ENOX1: variants seen among roughly 807,000 people sequenced by gnomAD.
ENOX1 encodes candidate growth-related and time keeping constitutive hydroquinone (NADH) oxidase.
A neutral mutation model predicts 82.5 loss-of-function variants in ENOX1; 42 were observed. That is an observed-to-expected ratio of 0.51 (90% CI 0.40 to 0.66). ENOX1 has a LOEUF of 0.66. Among genes scored for constraint, ENOX1 ranks in the 30% least tolerant of loss-of-function variants. The pLI is 0.00. For synonymous variants in ENOX1, 271 were observed against 282.2 expected, an observed-to-expected ratio of 0.96 and a Z score of 0.40; for missense variants, 608 against 811.6, an observed-to-expected ratio of 0.75 and a Z score of 3.05.
At chr13:43,411,525 T>C (rs192221175) in intron 5 of ENOX1, among the ~76,000 whole-genome samples, 66 of 152,260 alleles carry the variant, frequency 4.3e-4, no homozygotes, top group African/African-American at 1.5e-3. Context: ...ATTTGTAAAA[T>C]GGAAACATTA....
intron 2 of ENOX1, among the ~76,000 whole-genome samples, chr13:43,561,276 C>A (rs1168881223): frequency 1.3e-5 from 2 of 152,084 alleles, no homozygotes; most frequent in Non-Finnish European, 2.9e-5. Flanking sequence ...AATGCCAAGG[C>A]AAAAGCACAG....
At chr13:43,535,527 C>T (rs1479967062) in intron 2 of ENOX1, among the ~76,000 whole-genome samples, 1 of 152,158 alleles carries the variant, frequency 6.6e-6, no homozygotes, top group Non-Finnish European at 1.5e-5. Flanking sequence ...CAAAGAGTTA[C>T]TCTCACAAAA....
At chr13:43,661,642 T>C (rs2084735355) in intron 2 of ENOX1, among the ~76,000 whole-genome samples, 1 of 152,208 alleles carries the variant, frequency 6.6e-6, no homozygotes, top group African/African-American at 2.4e-5. Flanking sequence ...CAAAGTCATG[T>C]GAAGCTGGCC....
At chr13:43,541,200 C>CTTTTTTTTTT (rs1555317963) in intron 2 of ENOX1, among the ~76,000 whole-genome samples, 1 of 14,434 alleles carries the variant, frequency 6.9e-5, no homozygotes, top group African/African-American at 1.9e-4. Flanking sequence ...TTTTTTTTTG[C>CTTTTTTTTTT]TAAAAATGAT....
At chr13:43,673,899 C>T (rs895841367) in intron 1 of ENOX1, among the ~76,000 whole-genome samples, 1 of 152,170 alleles carries the variant, frequency 6.6e-6, no homozygotes, top group Non-Finnish European at 1.5e-5. Context: ...TAATCATTTT[C>T]TACTGCCTCT....
chr13:43,237,587 T>C (rs1426933790), intron 14 of ENOX1, among the ~76,000 whole-genome samples: 1 of 152,164 alleles, frequency 6.6e-6, no homozygotes, highest in Non-Finnish European at 1.5e-5. Context: ...GTGGGGAACC[T>C]GCAGGGATGA....
intron 11 of ENOX1, among the ~76,000 whole-genome samples, chr13:43,299,335 T>C (rs558530473): frequency 6.6e-6 from 1 of 151,528 alleles, no homozygotes; most frequent in Admixed American, 6.6e-5. Context: ...GGTAGGGAAA[T>C]CCCTTTCCCT....
In ENOX1 at chr13:43,260,936, C is replaced by A. The variant is rs188012274; in HGVS notation, c.1611+4462G>T. Reference sequence around the variant, plus strand: ...CTGTCGTTAATATATCCAGTTCCAACTACAAAGAGAAAACAACCAGCAGGC... The same window carrying A: ...CTGTCGTTAATATATCCAGTTCCAAATACAAAGAGAAAACAACCAGCAGGC... On this transcript the variant is annotated intron_variant, in intron 14 of 16. Coordinates refer to ENST00000690772, the MANE Select transcript of ENOX1 (RefSeq NM_001347969.2). 1.7e-3 allele frequency among the ~76,000 whole-genome samples: 266 copies of A among 152,334 alleles called. 1 individual carries two copies. The highest frequency in any genetic ancestry group is 6.2e-3 in the African/African-American group (258 of 41,578).
chr13:43,560,784 G>A (rs914366926), intron 2 of ENOX1, among the ~76,000 whole-genome samples: 1 of 152,156 alleles, frequency 6.6e-6, no homozygotes, highest in African/African-American at 2.4e-5. Context: ...CAGCCATCAT[G>A]TGCTTTGTTC....
intron 2 of ENOX1, among the ~76,000 whole-genome samples, chr13:43,664,438 T>C (rs1156374029): frequency 6.6e-6 from 1 of 152,224 alleles, no homozygotes; most frequent in Admixed American, 6.5e-5. Flanking sequence ...ATAAGACTTA[T>C]TGGGATGTTA....
At chr13:43,397,998 G>A (rs2053256767) in intron 5 of ENOX1, among the ~76,000 whole-genome samples, 1 of 152,172 alleles carries the variant, frequency 6.6e-6, no homozygotes, top group Admixed American at 6.5e-5. Flanking sequence ...TTTACATGGT[G>A]GAAGCAGTGA....
At chr13:43,352,253 T>C (rs1157968211) in intron 8 of ENOX1, among the ~76,000 whole-genome samples, 1 of 152,240 alleles carries the variant, frequency 6.6e-6, no homozygotes, top group East Asian at 1.9e-4. Flanking sequence ...CTGCAAGGCT[T>C]TGTCAGGACG....
chr13:43,216,213 C>T (rs1224853354), intron 16 of ENOX1, among the ~76,000 whole-genome samples: 1 of 152,084 alleles, frequency 6.6e-6, no homozygotes, highest in Non-Finnish European at 1.5e-5. Context: ...AAAATGGGGA[C>T]TTAAGCCAGA....
rs1188019029 is a variant in ENOX1 at position 43,562,613 on chromosome 13, C to CA, written c.-218-78462dup. On this transcript the variant is annotated intron_variant, in intron 2 of 16. Coordinates refer to ENST00000690772, the MANE Select transcript of ENOX1 (RefSeq NM_001347969.2). ...ACAGATAAAACAAAACTAAACTAAA[C>CA]AAAAAACAAGCCCCAATGATCCACT... 7.2e-5 allele frequency among the ~76,000 whole-genome samples: 11 copies of CA among 152,032 alleles called. No individual in the cohort carries two copies. In the East Asian group the frequency reaches 1.9e-3, roughly 27 times the overall value.
At chr13:43,677,226 G>A (rs532109693) in intron 1 of ENOX1, among the ~76,000 whole-genome samples, 1 of 152,252 alleles carries the variant, frequency 6.6e-6, no homozygotes, top group Admixed American at 6.5e-5. Context: ...TAATTTGGAG[G>A]GGCCTGGGTT....
At chr13:43,545,543 T>C (rs1182491261) in intron 2 of ENOX1, 2 of 152,222 alleles carry the variant, frequency 1.3e-5, no homozygotes, top group Non-Finnish European at 2.9e-5. Context: ...TGGGCCCCAG[T>C]CACCGTGAGG....
intron 3 of ENOX1, among the ~76,000 whole-genome samples, chr13:43,429,282 A>G (rs955482800): frequency 6.6e-6 from 1 of 152,210 alleles, no homozygotes; most frequent in Non-Finnish European, 1.5e-5. Context: ...GAGAGTTAAA[A>G]TCTAGATCCC....
chr13:43,349,422 G>A (rs1453992036), intron 8 of ENOX1, among the ~76,000 whole-genome samples: 2 of 152,130 alleles, frequency 1.3e-5, no homozygotes, highest in Non-Finnish European at 2.9e-5. Flanking sequence ...ATATTATAAT[G>A]ATACTATCAG....
At chr13:43,365,996 C>T (rs1261661493) in intron 5 of ENOX1, among the ~76,000 whole-genome samples, 1 of 152,246 alleles carries the variant, frequency 6.6e-6, no homozygotes, top group Admixed American at 6.5e-5. Context: ...CCTATCATCA[C>T]TCTGCAGAGA....
Sources: gnomAD v4.1 joint callset for allele counts (sites outside exome capture counted in the v4.1 genomes callset) on GRCh38, gnomAD v4.1.1 for gene constraint, MANE v1.5 for transcripts, NCBI Gene and HGNC (gene_info 2026-07-23, HGNC 2026-07-21) for gene names.